The following RBM23 variants were observed in gnomAD, a reference collection of about 807,000 sequenced individuals.
RBM23 encodes RNA binding motif protein 23, also known as probable RNA-binding protein 23.
In RBM23, 53 loss-of-function variants were observed where a neutral mutation model predicts 56.2. That is an observed-to-expected ratio of 0.94 (90% CI 0.76 to 1.19). The LOEUF is 1.19. Among genes scored for constraint, RBM23 ranks in the 50% most tolerant of loss-of-function variants. RBM23 has a pLI of 0.00. For missense variants in RBM23, 642 were observed against 590.3 expected, an observed-to-expected ratio of 1.09 and a Z score of -0.91; for synonymous variants, 197 against 198.5, an observed-to-expected ratio of 0.99 and a Z score of 0.06.
chr14:22,918,886 C>A (rs574935828), intron 1 of RBM23, 113 bp downstream of exon 1: 8 of 152,252 alleles, frequency 5.3e-5, no homozygotes, highest in Admixed American at 5.2e-4. Flanking sequence ...TAAAAGTTCG[C>A]CTGAATCTCT....
At chr14:22,902,961 T>C (rs1038179628) in intron 10 of RBM23, 1 of 686,362 alleles carries the variant, frequency 1.5e-6, no homozygotes, top group Non-Finnish European at 1.8e-6. Flanking sequence ...TTTTATTTTT[T>C]AGTAGAGATG....
At chr14:22,912,283 C>T (rs1370393093) in intron 1 of RBM23, among the ~76,000 whole-genome samples, 2 of 152,158 alleles carry the variant, frequency 1.3e-5, no homozygotes, top group East Asian at 3.8e-4. Context: ...TGCAGATTTG[C>T]CCTAACGTCT....
intron 12 of RBM23, 28 bp from the exon 13 acceptor site, chr14:22,901,911 A>G (rs373272208): frequency 4.6e-5 from 74 of 1,613,960 alleles, no homozygotes; most frequent in Non-Finnish European, 2.7e-5. Context: ...AGAGTGAGTG[A>G]GCAAGCACCG....
At chr14:22,914,155 T>A (rs1338455779) in intron 1 of RBM23, 1 of 148,478 alleles carries the variant, frequency 6.7e-6, no homozygotes, top group Non-Finnish European at 1.5e-5. Context: ...TGAAACCCCA[T>A]CTCTACTAAA....
intron 7 of RBM23, 25 bp from the exon 8 acceptor site, chr14:22,905,271 T>A (rs763078020): frequency 1.2e-6 from 2 of 1,613,944 alleles, no homozygotes; most frequent in Non-Finnish European, 1.7e-6. Flanking sequence ...AAAGAAATCC[T>A]GAGTTAGGCA....
intron 10 of RBM23, chr14:22,902,587 C>A: frequency 7.8e-7 from 1 of 1,289,302 alleles, no homozygotes. Flanking sequence ...CAATGGCAGT[C>A]ACTTTTCAAT....
intron 5 of RBM23, 136 bp downstream of exon 5, chr14:22,906,059 A>G: frequency 9.2e-7 from 1 of 1,091,998 alleles, no homozygotes; most frequent in Non-Finnish European, 1.3e-6. Flanking sequence ...AATTTTGAAT[A>G]CCAACCCTTT....
intron 8 of RBM23, 31 bp from the exon 9 acceptor site, chr14:22,905,043 C>T: frequency 6.2e-7 from 1 of 1,614,054 alleles, no homozygotes; most frequent in South Asian, 1.1e-5. Flanking sequence ...GGGTCATGTC[C>T]CACATTCCCT....
Position 22,901,816 on chromosome 14 carries a change from G to T in RBM23, c.1314C>A (p.Thr438=), listed in dbSNP as rs200403747. Residue 438 remains threonine (T), a splice_region_variant and synonymous_variant, in exon 13 of 14, where the codon ACC becomes ACA. Coordinates refer to ENST00000359890, the MANE Select transcript of RBM23 (RefSeq NM_001077351.2). ...ATGAGCTAGACCCTGAGACTCACATGGTCTGGGGGGTAAAGAGGCTGGAGA... is the reference window on the plus strand; with the variant it reads ...ATGAGCTAGACCCTGAGACTCACATTGTCTGGGGGGTAAAGAGGCTGGAGA... ...FQLSSLFTPQ[T]M The T allele has an allele frequency of 2.7e-5, 44 of 1,614,156 alleles. No individual in the cohort carries two copies. The highest frequency in any genetic ancestry group is 1.6e-4 in the Middle Eastern group (1 of 6,062).
intron 9 of RBM23, among the ~76,000 whole-genome samples, chr14:22,904,660 T>C (rs560098893): frequency 1.3e-5 from 2 of 152,240 alleles, no homozygotes; most frequent in African/African-American, 4.8e-5. Flanking sequence ...TTAATCTTTC[T>C]TAACCTGGCC....
intron 9 of RBM23, among the ~76,000 whole-genome samples, chr14:22,904,623 C>T (rs2041211610): frequency 6.6e-6 from 1 of 151,958 alleles, no homozygotes; most frequent in African/African-American, 2.4e-5. Context: ...AGGCGTGCAC[C>T]ACCACATTGG....
At chr14:22,908,460 T>C (rs906869384) in intron 3 of RBM23, 80 bp from the exon 4 acceptor site, 40 of 1,484,144 alleles carry the variant, frequency 2.7e-5, no homozygotes, top group South Asian at 5.0e-5. Flanking sequence ...TGGTGCAATC[T>C]TGGCTCACTG....
chr14:22,905,159 G>A lies in RBM23; in HGVS notation c.661C>T (p.Pro221Ser). The change falls in exon 8 of 14, where the codon CCA becomes TCA. Residue 221 changes from proline to serine, a missense_variant. Pro to Ser is a moderately conservative substitution (Grantham distance 74). Coordinates refer to ENST00000359890, the MANE Select transcript of RBM23 (RefSeq NM_001077351.2). Reference sequence around the variant, plus strand: ...TGCCCAGTCAGCCCAATGGCCAGTGGCACAGACTGGATTTCACAGAATTCC... The same window carrying A: ...TGCCCAGTCAGCCCAATGGCCAGTGACACAGACTGGATTTCACAGAATTCC... ...YVEFCEIQSV[P>S]LAIGLTGQRL... 1 of 1,614,168 alleles carries A rather than the reference G, an allele frequency of 6.2e-7. No individual in the cohort carries two copies. The highest frequency in any genetic ancestry group is 1.3e-5 in the African/African-American group (1 of 75,044).
In RBM23 at chr14:22,909,525, C is replaced by T. The variant is rs1360586687; in HGVS notation, c.137G>A (p.Gly46Asp). The change falls in exon 3 of 14, where the codon GGC (glycine) becomes GAC (aspartate). Residue 46 changes from glycine (G) to aspartate (D), a missense_variant. Gly to Asp is a moderately conservative substitution (Grantham distance 94, BLOSUM62 -1). Coordinates refer to ENST00000359890, the MANE Select transcript of RBM23 (RefSeq NM_001077351.2). The stretch of plus-strand genomic sequence containing the variant: ...GGTGCTGCTTCCACTGGTCTCATTG[C>T]CACTGTTGCTGGTGCTGCTGGTGGT... ...SNTTSSTSNS[G>D]NETSGSSTIG... 1 of 1,613,438 alleles carries T rather than the reference C, an allele frequency of 6.2e-7. No homozygotes were observed. Among genetic ancestry groups the T allele is most frequent in the Non-Finnish European group, 8.5e-7 (1 of 1,179,976 alleles).
At chr14:22,914,545 T>C (rs1238987185) in intron 1 of RBM23, among the ~76,000 whole-genome samples, 1 of 151,270 alleles carries the variant, frequency 6.6e-6, no homozygotes, top group Non-Finnish European at 1.5e-5. Flanking sequence ...GTGTTTAACA[T>C]ATCAAAACGC....
intron 4 of RBM23, 110 bp downstream of exon 4, chr14:22,908,223 G>A: frequency 8.3e-7 from 1 of 1,210,196 alleles, no homozygotes. Context: ...ATTTTGCTAT[G>A]TTGCCCAGGC....
intron 1 of RBM23, 97 bp downstream of exon 1, chr14:22,918,902 A>T (rs1370429227): frequency 6.6e-6 from 1 of 152,066 alleles, no homozygotes; most frequent in Non-Finnish European, 1.5e-5. Context: ...TCTCTTCGTG[A>T]CGCCATTTTC....
At chr14:22,915,609 C>T (rs111391589) in intron 1 of RBM23, among the ~76,000 whole-genome samples, 1,655 of 151,968 alleles carry the variant, frequency 0.011, 8 homozygotes, top group Middle Eastern at 0.055. Flanking sequence ...GATTCTCCTG[C>T]CTCAGCCTCC....
chr14:22,906,367 G>C lies in RBM23; in HGVS notation c.229C>G (p.Arg77Gly), dbSNP rs757376189. The change falls in exon 5 of 14, where the codon CGT (arginine) becomes GGT (glycine). Residue 77 changes from arginine (R) to glycine (G), a missense_variant and splice_region_variant. Transcript: ENST00000359890. ...HNKSRDRKRS[R>G]SRDRDRYRRR... is the part of the protein sequence containing the mutation. Reference sequence around the variant, plus strand: ...CTATACCGATCCCGATCTCGACTACGACTACAGAGGGAAACAACTACAGTC... The same window carrying C: ...CTATACCGATCCCGATCTCGACTACCACTACAGAGGGAAACAACTACAGTC... 3.7e-6 allele frequency: 6 copies of C among 1,613,924 alleles called. No individual in the cohort carries two copies. Among genetic ancestry groups the C allele is most frequent in the Non-Finnish European group, 3.4e-6 (4 of 1,179,906 alleles).
Sources: gnomAD v4.1 joint callset for allele counts (sites outside exome capture counted in the v4.1 genomes callset) on GRCh38, gnomAD v4.1.1 for gene constraint, MANE v1.5 for transcripts, NCBI Gene and HGNC (gene_info 2026-07-23, HGNC 2026-07-21) for gene names.